Variants in ALDH18A1 observed in about 807,000 individuals in gnomAD.
ALDH18A1 encodes the protein aldehyde dehydrogenase 18 family member A1.
ALDH18A1 carries 44 observed loss-of-function variants against 88.8 expected under a neutral mutation model. That is an observed-to-expected ratio of 0.50 (90% CI 0.39 to 0.64). The LOEUF is 0.64. ALDH18A1 is among the 30% of genes least tolerant of loss of function. The probability of loss-of-function intolerance (pLI) is 0.00; values close to 1 mark genes in which losing one functional copy is unlikely to be tolerated. For missense variants in ALDH18A1, 782 were observed against 1,009.5 expected, an observed-to-expected ratio of 0.77 and a Z score of 3.05; for synonymous variants, 331 against 372.1, an observed-to-expected ratio of 0.89 and a Z score of 1.27.
Position 95,643,036 on chromosome 10 carries a change from C to T in ALDH18A1, c.259G>A (p.Glu87Lys), listed in dbSNP as rs369143587. 1.8e-5 allele frequency: 29 copies of T among 1,614,022 alleles called. No individual in the cohort carries two copies. The highest frequency in any genetic ancestry group is 1.4e-4 in the South Asian group (13 of 91,068). The change falls in exon 3 of 18, where the codon GAA (glutamate) becomes AAA (lysine). Residue 87 changes from glutamate to lysine, a missense_variant. Physicochemically the swap from Glu to Lys is moderately conservative, Grantham distance 56. Around this residue, in one of 3 missense-constraint regions of ALDH18A1, gnomAD observed 132 missense variants for 255.5 expected, o/e 0.52. Transcript: ENST00000371224. ...AAGCGCCCCAGGGCCAGGCCACATT[C>T]ATCCCCTCGGGTCACCACGGCACTG... The part of the protein sequence containing the change: ...LGSAVVTRGD[E>K]CGLALGRLAS...
chr10:95,616,693 C>T, intron 12 of ALDH18A1, 79 bp from the exon 13 acceptor site: 2 of 1,515,626 alleles, frequency 1.3e-6, no homozygotes, highest in Non-Finnish European at 9.0e-7. Context: ...CACAAGCACT[C>T]CTTCTGTGCT....
chr10:95,610,295 G>T lies in ALDH18A1; in HGVS notation c.2111-3C>A, dbSNP rs771578568. On this transcript the variant is annotated splice_region_variant and splice_polypyrimidine_tract_variant and intron_variant, in intron 16 of 17. Transcript: ENST00000371224. ...CAGGAAGAACTCCGCTGTGTTTTCT[G>T]CAGGGTGAAGAAGGAGAAACCAAGT... The T allele has an allele frequency of 3.1e-6, 5 of 1,613,818 alleles. No homozygotes were observed. The South Asian group carries it at 5.5e-5, about 18-fold the overall frequency.
At chr10:95,651,363 A>G (rs1185325731) in intron 2 of ALDH18A1, among the ~76,000 whole-genome samples, 2 of 152,240 alleles carry the variant, frequency 1.3e-5, no homozygotes, top group African/African-American at 2.4e-5. Flanking sequence ...ATACAGTGCT[A>G]GTAGGAATGT....
Position 95,606,396 on chromosome 10 carries a change from G to C in ALDH18A1, c.*366C>G. 1 of 1,106,930 alleles carries C rather than the reference G, an allele frequency of 9.0e-7. No individual in the cohort carries two copies. The highest frequency in any genetic ancestry group is 1.1e-6 in the Non-Finnish European group (1 of 904,486). The allele number at this position is 1,106,930 out of a possible 1,614,324, so 68.6% of individuals were successfully genotyped here. A position where few individuals can be genotyped will look rare whatever the true frequency, so the allele number is the denominator to read the frequency against. ...TGAAAAGATTTGTTAAGGATGACTGGCTCTAGTACCAACTAAATGCCAAGG... is the reference window on the plus strand; with the variant it reads ...TGAAAAGATTTGTTAAGGATGACTGCCTCTAGTACCAACTAAATGCCAAGG... On this transcript the variant is annotated 3_prime_UTR_variant, in exon 18 of 18. Coordinates refer to ENST00000371224, the MANE Select transcript of ALDH18A1 (RefSeq NM_002860.4).
intron 12 of ALDH18A1, among the ~76,000 whole-genome samples, chr10:95,617,063 A>G (rs1250154554): frequency 6.6e-6 from 1 of 152,194 alleles, no homozygotes; most frequent in East Asian, 1.9e-4. Context: ...CCTGACCAAC[A>G]TGGTGAAACC....
intron 13 of ALDH18A1, among the ~76,000 whole-genome samples, chr10:95,615,474 A>G (rs995456798): frequency 1.3e-5 from 2 of 152,176 alleles, no homozygotes; most frequent in African/African-American, 4.8e-5. Context: ...GTATCTTGAT[A>G]CGGCTGGTGG....
intron 13 of ALDH18A1, among the ~76,000 whole-genome samples, chr10:95,614,376 C>A (rs2097841017): frequency 6.6e-6 from 1 of 152,238 alleles, no homozygotes; most frequent in Non-Finnish European, 1.5e-5. Flanking sequence ...CGGTGCTGTG[C>A]TCCACATCAC....
At chr10:95,651,533 GT>G (rs1360049155) in intron 2 of ALDH18A1, among the ~76,000 whole-genome samples, 1 of 152,216 alleles carries the variant, frequency 6.6e-6, no homozygotes, top group African/African-American at 2.4e-5. Context: ...AGGAAGCATG[GT>G]GCTGGCATCT....
At chr10:95,609,767 C>CTTTTTTTTTTT (rs1193875091) in intron 17 of ALDH18A1, among the ~76,000 whole-genome samples, 3 of 30,696 alleles carry the variant, frequency 9.8e-5, no homozygotes, top group Admixed American at 4.1e-4. Context: ...AAGTCTGTCT[C>CTTTTTTTTTTT]TATTTTTTTT....
At chr10:95,651,320 T>G (rs1320752598) in intron 2 of ALDH18A1, among the ~76,000 whole-genome samples, 1 of 152,130 alleles carries the variant, frequency 6.6e-6, no homozygotes, top group Non-Finnish European at 1.5e-5. Context: ...CCACATCAAA[T>G]GACGGTAAAG....
chr10:95,629,094 C>T (rs2097864428), intron 7 of ALDH18A1, among the ~76,000 whole-genome samples: 1 of 152,138 alleles, frequency 6.6e-6, no homozygotes. Context: ...CCTTTTATAA[C>T]TAAGTGGAGT....
intron 15 of ALDH18A1, among the ~76,000 whole-genome samples, chr10:95,612,704 A>G (rs138311159): frequency 6.3e-4 from 96 of 152,318 alleles, no homozygotes; most frequent in East Asian, 3.7e-3. Context: ...TGTGTGTTCA[A>G]ATTAGGTCTG....
At position 95,606,583 on chromosome 10, in the gene ALDH18A1, CCAGA is replaced by C; in HGVS notation, c.*175_*178del. 6.5e-7 allele frequency: 1 copy of C among 1,530,176 alleles called. No homozygotes were observed. The highest frequency in any genetic ancestry group is 1.3e-5 in the South Asian group (1 of 78,694). 94.8% of individuals were successfully genotyped at this position (1,530,176 alleles called of 1,614,324 possible). A position where few individuals can be genotyped will look rare whatever the true frequency, so the allele number is the denominator to read the frequency against. Reference sequence around the variant, plus strand: ...TTAAAAAAAAAGGGTGAGCTGGGAGCCAGACTGTGCACATCAGCCAAGACTGCTA... The same window carrying C: ...TTAAAAAAAAAGGGTGAGCTGGGAGCCTGTGCACATCAGCCAAGACTGCTA... On this transcript the variant is annotated 3_prime_UTR_variant, in exon 18 of 18. Transcript: ENST00000371224.
At chr10:95,628,778 T>A (rs534055858) in intron 7 of ALDH18A1, 71 of 410,290 alleles carry the variant, frequency 1.7e-4, no homozygotes, top group Non-Finnish European at 3.0e-4. Flanking sequence ...CCTGCCCATA[T>A]TCCTGGCAAG....
In ALDH18A1 at chr10:95,615,056, C is replaced by A. The variant is rs141459739; in HGVS notation, c.1606-895G>T. On this transcript the variant is annotated intron_variant, in intron 13 of 17. Coordinates refer to ENST00000371224, the MANE Select transcript of ALDH18A1 (RefSeq NM_002860.4). ...TTTCAAGAATAGGCAAAAGGCAGGGCGTGGTGGCACATTCCCAGCACTTTG... is the reference window on the plus strand; with the variant it reads ...TTTCAAGAATAGGCAAAAGGCAGGGAGTGGTGGCACATTCCCAGCACTTTG... 1.8e-3 allele frequency among the ~76,000 whole-genome samples: 268 copies of A among 152,252 alleles called. 4 individuals are homozygous for A. The Middle Eastern group carries it at 0.02, about 12-fold the overall frequency.
chr10:95,614,736 T>C (rs1231403171), intron 13 of ALDH18A1, among the ~76,000 whole-genome samples: 1 of 152,208 alleles, frequency 6.6e-6, no homozygotes, highest in African/African-American at 2.4e-5. Flanking sequence ...GCATTTTGTT[T>C]TCTCTTGATT....
rs773395658 is a variant in ALDH18A1, at chr10:95,616,611, C to T, written c.1471G>A (p.Ala491Thr). 1.9e-6 allele frequency: 3 copies of T among 1,605,868 alleles called. No homozygotes were observed. In the South Asian group the frequency reaches 3.4e-5, roughly 18 times the overall value. ...TTGCCACTTGCGATAGCCAAAGCTG[C>T]CACCTGCAGATCAAAGGGAGAGCAG... ...ESRPDCLPQVAALAIASGNGL... is the reference protein window; with the variant it reads ...ESRPDCLPQVTALAIASGNGL... The change falls in exon 13 of 18, where the codon GCA becomes ACA. Residue 491 changes from alanine (A) to threonine (T), a missense_variant. Physicochemically the swap from Ala to Thr is moderately conservative, Grantham distance 58. Transcript: ENST00000371224.
intron 15 of ALDH18A1, among the ~76,000 whole-genome samples, chr10:95,613,340 G>A (rs2097838833): frequency 6.6e-6 from 1 of 152,188 alleles, no homozygotes; most frequent in African/African-American, 2.4e-5. Flanking sequence ...GACACTGGGG[G>A]GAGGCAGTGA....
At chr10:95,625,529 T>C in intron 10 of ALDH18A1, 74 bp from the exon 11 acceptor site, 1 of 1,315,308 alleles carries the variant, frequency 7.6e-7, no homozygotes, top group Non-Finnish European at 1.1e-6. Flanking sequence ...TTTTTAAACC[T>C]ACTCTTCTGA....
Sources: gnomAD v4.1 joint callset for allele counts (sites outside exome capture counted in the v4.1 genomes callset) on GRCh38, gnomAD v4.1.1 for gene constraint, gnomAD v4.1.1 regional missense constraint, MANE v1.5 for transcripts, NCBI Gene and HGNC (gene_info 2026-07-23, HGNC 2026-07-21) for gene names.